Variants in KIAA1217 observed in about 807,000 individuals in gnomAD.
KIAA1217 encodes the protein sickle tail protein homolog.
KIAA1217 carries 88 observed loss-of-function variants against 163.9 expected under a neutral mutation model. The observed-to-expected ratio is 0.54, with a 90% confidence interval of 0.45 to 0.64. The LOEUF (loss-of-function observed/expected upper bound fraction) is 0.64. Among genes scored for constraint, KIAA1217 ranks in the 30% least tolerant of loss-of-function variants. KIAA1217 has a pLI of 0.00. For missense variants in KIAA1217, 2,372 were observed against 2,475.0 expected (o/e 0.96, Z 0.88); for synonymous variants, 903 against 923.1 (o/e 0.98, Z 0.39).
chr10:24,227,827 C>G (rs1265372664), intron 2 of KIAA1217, among the ~76,000 whole-genome samples: 1 of 152,144 alleles, frequency 6.6e-6, no homozygotes, highest in African/African-American at 2.4e-5. Context: ...CCACTGCGCC[C>G]GGCCAATATG....
At chr10:24,039,793 TATAG>T (rs1045575913) in intron 2 of KIAA1217, among the ~76,000 whole-genome samples, 3 of 129,108 alleles carry the variant, frequency 2.3e-5, no homozygotes, top group Non-Finnish European at 5.0e-5. Context: ...ATGATATAGA[TATAG>T]ATAGATATAG....
chr10:23,917,583 A>G (rs1278331394), intron 1 of KIAA1217, among the ~76,000 whole-genome samples: 1 of 152,210 alleles, frequency 6.6e-6, no homozygotes, highest in African/African-American at 2.4e-5. Flanking sequence ...GCGAGTGAAA[A>G]GTGACTATAG....
chr10:23,947,300 G>T (rs1844099914), intron 1 of KIAA1217, among the ~76,000 whole-genome samples: 1 of 152,190 alleles, frequency 6.6e-6, no homozygotes, highest in South Asian at 2.1e-4. Flanking sequence ...AAAAGATGTA[G>T]TTAAATAAAA....
At chr10:24,256,420 T>C (rs1472131663) in intron 2 of KIAA1217, among the ~76,000 whole-genome samples, 1 of 152,130 alleles carries the variant, frequency 6.6e-6, no homozygotes, top group Non-Finnish European at 1.5e-5. Context: ...AAGCAAACCC[T>C]CAAGCATGAA....
At position 24,043,569 on chromosome 10, in the gene KIAA1217, A is replaced by T. The variant is rs572876542; in HGVS notation, c.-171+36195A>T. 2.2e-4 allele frequency among the ~76,000 whole-genome samples: 33 copies of T among 152,300 alleles called. No individual in the cohort carries two copies. The South Asian group carries it at 6.8e-3, about 32-fold the overall frequency. ...AAAAACAGAGACCAAAATGCTTCAT[A>T]AAAGGCACATGCAATGAACACTAGA... On this transcript the variant is annotated intron_variant, in intron 2 of 18. Coordinates refer to the KIAA1217 transcript ENST00000376462.
chr10:23,721,746 T>A (rs1564365834), intron 1 of KIAA1217, among the ~76,000 whole-genome samples: 1 of 152,154 alleles, frequency 6.6e-6, no homozygotes, highest in Non-Finnish European at 1.5e-5. Context: ...ATGAAATAAA[T>A]TAACATAAGC....
chr10:24,275,714 A>T (rs1273796074), intron 2 of KIAA1217: 1 of 529,720 alleles, frequency 1.9e-6, no homozygotes, highest in East Asian at 5.5e-5. Context: ...GTGCAAAAGT[A>T]ATTGCAGTGC....
Position 24,501,485 on chromosome 10 carries a change from T to G in KIAA1217, c.1941T>G (p.Leu647=). The G allele has an allele frequency of 6.2e-7, 1 of 1,613,928 alleles. No homozygotes were observed. Among genetic ancestry groups the G allele is most frequent in the Non-Finnish European group, 8.5e-7 (1 of 1,179,936 alleles). Residue 647 remains leucine (L), a synonymous_variant, in exon 9 of 21, where the codon CTT becomes CTG. Coordinates refer to ENST00000376454, the MANE Select transcript of KIAA1217 (RefSeq NM_019590.5). ...VGTSAIHMSL[L]EMRRSVAELR... is the part of the protein sequence containing the mutation. ...CCTCAGCCATCCACATGAGCCTGCT[T>G]GAGATGAGGCGGAGCGTGGCGGAAC... is the stretch of plus-strand genomic sequence containing the variant.
chr10:24,181,113 C>T (rs1238652089), intron 2 of KIAA1217, among the ~76,000 whole-genome samples: 2 of 152,186 alleles, frequency 1.3e-5, no homozygotes, highest in African/African-American at 4.8e-5. Flanking sequence ...GTGAGTCTGG[C>T]AGACATGGTC....
At chr10:24,332,457 C>G (rs912390723) in intron 2 of KIAA1217, among the ~76,000 whole-genome samples, 2 of 151,952 alleles carry the variant, frequency 1.3e-5, no homozygotes, top group Non-Finnish European at 2.9e-5. Flanking sequence ...GTTGGGGTAG[C>G]AGGTGTCATC....
At chr10:24,210,887 G>A (rs567958172) in intron 1 of KIAA1217, among the ~76,000 whole-genome samples, 2 of 151,342 alleles carry the variant, frequency 1.3e-5, no homozygotes, top group East Asian at 1.9e-4. Context: ...GCTGGATTTA[G>A]CAAATAAAAA....
chr10:23,907,071 A>G (rs1842191847), intron 1 of KIAA1217, among the ~76,000 whole-genome samples: 1 of 152,126 alleles, frequency 6.6e-6, no homozygotes, highest in South Asian at 2.1e-4. Context: ...TTCTATATAT[A>G]AATAATTGAC....
At chr10:23,719,921 A>G (rs993713123) in intron 1 of KIAA1217, among the ~76,000 whole-genome samples, 3 of 152,098 alleles carry the variant, frequency 2.0e-5, no homozygotes, top group Admixed American at 1.3e-4. Flanking sequence ...TCAAACAAAC[A>G]AAAAGGCTAT....
At chr10:24,309,368 A>G (rs977272293) in intron 2 of KIAA1217, among the ~76,000 whole-genome samples, 4 of 151,982 alleles carry the variant, frequency 2.6e-5, no homozygotes, top group Non-Finnish European at 2.9e-5. Flanking sequence ...ACACACACAC[A>G]CACACACACA....
chr10:23,974,662 A>G (rs1453195075), intron 1 of KIAA1217, among the ~76,000 whole-genome samples: 1 of 152,064 alleles, frequency 6.6e-6, no homozygotes, highest in Non-Finnish European at 1.5e-5. Context: ...TGTCTGCAAA[A>G]AATAAAAAAT....
chr10:24,171,398 A>G (rs1366415735), intron 2 of KIAA1217, among the ~76,000 whole-genome samples: 8 of 152,390 alleles, frequency 5.2e-5, no homozygotes, highest in Non-Finnish European at 1.5e-5. Context: ...ACTTTAAAAT[A>G]AATGATCCTA....
chr10:24,279,966 G>T (rs1345852852), intron 2 of KIAA1217, among the ~76,000 whole-genome samples: 1 of 152,214 alleles, frequency 6.6e-6, no homozygotes, highest in Non-Finnish European at 1.5e-5. Context: ...ATGGAACTCA[G>T]TGAAGGCTCC....
chr10:24,103,248 C>T (rs2062488985), intron 2 of KIAA1217, among the ~76,000 whole-genome samples: 1 of 152,184 alleles, frequency 6.6e-6, no homozygotes, highest in African/African-American at 2.4e-5. Flanking sequence ...CACAGACTCA[C>T]ATCCTTCACA....
At chr10:24,403,814 A>G (rs74379393) in intron 3 of KIAA1217, among the ~76,000 whole-genome samples, 47 of 152,340 alleles carry the variant, frequency 3.1e-4, no homozygotes, top group African/African-American at 1.0e-3. Flanking sequence ...AGCACTACCC[A>G]TGCATCAGTA....
Sources: allele counts gnomAD v4.1 joint callset (sites outside exome capture counted in the v4.1 genomes callset), GRCh38; gene constraint gnomAD v4.1.1; transcripts MANE v1.5; gene names NCBI Gene and HGNC (gene_info 2026-07-23, HGNC 2026-07-21).